The following SLC6A5 variants were observed in gnomAD, a reference collection of about 807,000 sequenced individuals.
The protein encoded by SLC6A5 is solute carrier family 6 member 5, also known as sodium- and chloride-dependent glycine transporter 2.
A neutral mutation model predicts 90.5 loss-of-function variants in SLC6A5; 58 were observed. That is an observed-to-expected ratio of 0.64 (90% CI 0.52 to 0.80). The LOEUF (loss-of-function observed/expected upper bound fraction) is 0.80. SLC6A5 is among the 30% of genes least tolerant of loss of function. The pLI is 0.00. For synonymous variants in SLC6A5, 427 were observed against 401.4 expected, an observed-to-expected ratio of 1.06 and a Z score of -0.76; for missense variants, 1,015 against 1,017.6, an observed-to-expected ratio of 1.00 and a Z score of 0.03.
chr11:20,618,980 A>G (rs1852838540), intron 7 of SLC6A5, among the ~76,000 whole-genome samples: 1 of 146,564 alleles, frequency 6.8e-6, no homozygotes, highest in African/African-American at 2.5e-5. Context: ...ACACACACAC[A>G]AAGAAAAACC....
intron 12 of SLC6A5, among the ~76,000 whole-genome samples, chr11:20,637,761 T>A (rs1184842847): frequency 6.6e-6 from 1 of 152,192 alleles, no homozygotes; most frequent in East Asian, 1.9e-4. Flanking sequence ...GAAAACAGAA[T>A]ACATAAAAAT....
chr11:20,606,169 A>T (rs1033788216), intron 3 of SLC6A5, among the ~76,000 whole-genome samples: 5 of 152,238 alleles, frequency 3.3e-5, no homozygotes, highest in African/African-American at 1.2e-4. Context: ...AAGAATGCTG[A>T]AGGGAAAGAA....
At chr11:20,633,413 C>G (rs1401179019) in intron 10 of SLC6A5, among the ~76,000 whole-genome samples, 1 of 152,168 alleles carries the variant, frequency 6.6e-6, no homozygotes, top group African/African-American at 2.4e-5. Flanking sequence ...ACCTGTATCC[C>G]AATCCTTCTG....
At chr11:20,651,796 A>G (rs2133824465) in intron 14 of SLC6A5, among the ~76,000 whole-genome samples, 2 of 152,002 alleles carry the variant, frequency 1.3e-5, no homozygotes, top group East Asian at 3.9e-4. Context: ...AATCCCAGCT[A>G]TTCGGGAGGC....
chr11:20,599,726 G>A (rs771999582), intron 1 of SLC6A5, 51 bp downstream of exon 1: 1 of 1,611,522 alleles, frequency 6.2e-7, no homozygotes, highest in South Asian at 1.1e-5. Context: ...GAGGGGACAG[G>A]GAAAGCAGAT....
At chr11:20,625,204 C>T (rs2133796511) in intron 7 of SLC6A5, among the ~76,000 whole-genome samples, 2 of 152,298 alleles carry the variant, frequency 1.3e-5, no homozygotes, top group Admixed American at 1.3e-4. Flanking sequence ...GAAAGGTCCT[C>T]CTACCTACCA....
At chr11:20,601,052 C>A in intron 1 of SLC6A5, 77 bp from the exon 2 acceptor site, 1 of 1,442,060 alleles carries the variant, frequency 6.9e-7, no homozygotes, top group Non-Finnish European at 9.2e-7. Context: ...GAGTTGCGAA[C>A]GTCTCCATAT....
At chr11:20,652,541 G>A in intron 15 of SLC6A5, 85 bp downstream of exon 15, 1 of 1,331,586 alleles carries the variant, frequency 7.5e-7, no homozygotes, top group Non-Finnish European at 1.1e-6. Flanking sequence ...AAAAGATTCG[G>A]TAAACTTATT....
At chr11:20,610,036 C>A (rs1852664228) in intron 5 of SLC6A5, among the ~76,000 whole-genome samples, 1 of 152,200 alleles carries the variant, frequency 6.6e-6, no homozygotes, top group Non-Finnish European at 1.5e-5. Flanking sequence ...ACATAAATAT[C>A]ATTTCTATTT....
In SLC6A5 at chr11:20,654,970, T is replaced by A; in HGVS notation, c.*102T>A. 1.6e-6 allele frequency: 2 copies of A among 1,235,094 alleles called. No homozygotes were observed. The highest frequency in any genetic ancestry group is 2.4e-6 in the Non-Finnish European group (2 of 834,956). The allele number at this position is 1,235,094 out of a possible 1,614,324, so 76.5% of individuals were successfully genotyped here. On this transcript the variant is annotated 3_prime_UTR_variant, in exon 16 of 16. Transcript: ENST00000525748. Reference sequence around the variant, plus strand: ...TCCCATTTTTCTTCATCTTTCTTCCTACATCTTGGTTCACATCCACGCATG... The same window carrying A: ...TCCCATTTTTCTTCATCTTTCTTCCAACATCTTGGTTCACATCCACGCATG...
chr11:20,607,754 G>A, intron 5 of SLC6A5, 102 bp downstream of exon 5: 2 of 899,902 alleles, frequency 2.2e-6, no homozygotes, highest in South Asian at 2.7e-5. Flanking sequence ...CCTATACTAG[G>A]TTCTGGGAAC....
chr11:20,624,236 C>G (rs1852947599), intron 7 of SLC6A5, among the ~76,000 whole-genome samples: 1 of 151,698 alleles, frequency 6.6e-6, no homozygotes, highest in Admixed American at 6.6e-5. Context: ...TCACTGTAGC[C>G]TCTGCCTCCT....
chr11:20,627,773 T>C lies in SLC6A5; in HGVS notation c.1396-207T>C, dbSNP rs558921018. 6.4e-4 allele frequency among the ~76,000 whole-genome samples: 98 copies of C among 152,346 alleles called. 1 individual carries two copies. Among genetic ancestry groups the C allele is most frequent in the Non-Finnish European group, 1.2e-4 (8 of 68,026 alleles). The stretch of plus-strand genomic sequence containing the variant: ...AGTTTATTGAGTTCCTCACCTTTGA[T>C]AGAGGAAGTTAAAATCTCCCAGGTA... On this transcript the variant is annotated intron_variant, in intron 8 of 15. Coordinates refer to ENST00000525748, the MANE Select transcript of SLC6A5 (RefSeq NM_004211.5).
chr11:20,617,281 T>G (rs1412593778), intron 6 of SLC6A5, among the ~76,000 whole-genome samples: 2 of 152,218 alleles, frequency 1.3e-5, no homozygotes, highest in Non-Finnish European at 2.9e-5. Flanking sequence ...AGGGCCACAT[T>G]TTTCGTCATT....
intron 13 of SLC6A5, among the ~76,000 whole-genome samples, chr11:20,645,132 G>A (rs891689175): frequency 1.3e-5 from 2 of 152,038 alleles, no homozygotes; most frequent in Non-Finnish European, 2.9e-5. Context: ...CATTTTTTAA[G>A]GGTCTGAATT....
At chr11:20,651,822 G>C (rs1000076031) in intron 14 of SLC6A5, among the ~76,000 whole-genome samples, 5 of 151,832 alleles carry the variant, frequency 3.3e-5, no homozygotes, top group African/African-American at 1.2e-4. Context: ...CAGGAGAATC[G>C]CTTGAACCTG....
Position 20,601,283 on chromosome 11 carries a change from G to A in SLC6A5, c.158G>A (p.Arg53Lys). 6.3e-7 allele frequency: 1 copy of A among 1,588,924 alleles called. No homozygotes were observed. The highest frequency in any genetic ancestry group is 8.5e-7 in the Non-Finnish European group (1 of 1,173,774). The stretch of plus-strand genomic sequence containing the variant: ...GCCCCGCCGCCGCCACGTGTGCCCA[G>A]GTCCGCTTCCACCGGCGCCCAAACT... Reference protein sequence around the residue: ...AAAPPPPRVPRSASTGAQTFQ... With the variant: ...AAAPPPPRVPKSASTGAQTFQ... The change falls in exon 2 of 16, where the codon AGG (arginine) becomes AAG (lysine). Residue 53 changes from arginine to lysine, a missense_variant. This residue lies in a region of SLC6A5 where 567 missense variants were observed against 507.3 expected (regional missense o/e 1.12). Coordinates refer to ENST00000525748, the MANE Select transcript of SLC6A5 (RefSeq NM_004211.5).
chr11:20,616,581 T>A (rs1291766075), intron 6 of SLC6A5, among the ~76,000 whole-genome samples: 1 of 152,184 alleles, frequency 6.6e-6, no homozygotes, highest in Non-Finnish European at 1.5e-5. Context: ...GTTTACCTAT[T>A]TTGGGCATGG....
At chr11:20,630,295 G>T (rs1056444241) in intron 9 of SLC6A5, among the ~76,000 whole-genome samples, 3 of 152,092 alleles carry the variant, frequency 2.0e-5, no homozygotes, top group African/African-American at 7.2e-5. Flanking sequence ...TTTTATAAGG[G>T]CACTAATCCC....
Sources: allele counts gnomAD v4.1 joint callset (sites outside exome capture counted in the v4.1 genomes callset), GRCh38; gene constraint gnomAD v4.1.1; regional missense constraint gnomAD v4.1.1; transcripts MANE v1.5; gene names NCBI Gene and HGNC (gene_info 2026-07-23, HGNC 2026-07-21).